ZNF536: variants seen among roughly 807,000 people sequenced by gnomAD.
ZNF536 encodes zinc finger protein 536.
Under a neutral mutation model 84.5 loss-of-function variants are expected in ZNF536, and 13 were observed. The observed-to-expected ratio is 0.15, with a 90% CI of 0.10 to 0.24. The LOEUF (loss-of-function observed/expected upper bound fraction) is 0.24. ZNF536 is among the 10% of genes least tolerant of loss of function. The pLI, the probability that ZNF536 is intolerant of heterozygous loss-of-function variation, is 1.00. For missense variants in ZNF536, 1,536 were observed against 1,747.5 expected (o/e 0.88, Z 2.16); for synonymous variants, 811 against 742.5 (o/e 1.09, Z -1.50).
chr19:30,471,149 G>T (rs561209626), intron 2 of ZNF536, among the ~76,000 whole-genome samples: 1 of 152,154 alleles, frequency 6.6e-6, no homozygotes, highest in African/African-American at 2.4e-5. Flanking sequence ...TTCTTCTCAT[G>T]GTTAGACTGG....
chr19:30,478,572 C>T (rs901007635), intron 2 of ZNF536, among the ~76,000 whole-genome samples: 2 of 152,054 alleles, frequency 1.3e-5, no homozygotes, highest in Non-Finnish European at 2.9e-5. Flanking sequence ...ATGTGTATAC[C>T]GGGGAATAAT....
upstream of ZNF536, among the ~76,000 whole-genome samples, chr19:30,228,063 CGTGT>C (rs915353342): frequency 2.0e-5 from 3 of 150,954 alleles, no homozygotes; most frequent in Non-Finnish European, 3.0e-5. This position sits in a 1 kb window ranked among gnomAD's most constrained non-coding sequence, Gnocchi z 4.5. Context: ...TATGTGCGTG[CGTGT>C]GTGTGTGTGG....
At position 30,246,748 on chromosome 19, in the gene ZNF536, A is replaced by G. The variant is rs377521589; in HGVS notation, c.-190+18075A>G. 8.0e-4 allele frequency among the ~76,000 whole-genome samples: 122 copies of G among 152,376 alleles called. 1 individual carries two copies. The highest frequency in any genetic ancestry group is 2.8e-3 in the African/African-American group (115 of 41,596). On this transcript the variant is annotated intron_variant, in intron 1 of 5. Coordinates refer to the ZNF536 transcript ENST00000585628. ...CATCATTTATAGACCTCTTGGGCTA[A>G]AAACTATTTGCTGTCTAGCGGTAGC...
intron 2 of ZNF536, among the ~76,000 whole-genome samples, chr19:30,471,973 G>A (rs560255018): frequency 6.6e-6 from 1 of 152,106 alleles, no homozygotes; most frequent in East Asian, 1.9e-4. Flanking sequence ...CTTTATGCTG[G>A]GCAAACCGAG....
intron 1 of ZNF536, among the ~76,000 whole-genome samples, chr19:30,627,861 C>A (rs2048743813): frequency 6.6e-6 from 1 of 152,194 alleles, no homozygotes; most frequent in Non-Finnish European, 1.5e-5. Context: ...TCAGCTCTGA[C>A]CCTGCGGGTG....
Position 30,444,603 on chromosome 19 carries a change from C to T in ZNF536, c.1041C>T (p.Cys347=), listed in dbSNP as rs1200857229. The change falls in exon 2 of 5, where the codon TGC becomes TGT. Residue 347 remains cysteine, a synonymous_variant. Coordinates refer to ENST00000355537, the MANE Select transcript of ZNF536 (RefSeq NM_014717.3). ...AGCAGTCGGCCAACGAGTTCCGCTG[C>T]GAGGTGTGCGGTCAGGTGTTCAGCC... ...GGEQSANEFR[C]EVCGQVFSQA... is the part of the protein sequence containing the mutation. The T allele has an allele frequency of 5.6e-6, 9 of 1,613,752 alleles. No homozygotes were observed. In the East Asian group the frequency reaches 6.7e-5, roughly 12 times the overall value.
At chr19:30,656,427 C>T (rs1248535626) in intron 1 of ZNF536, among the ~76,000 whole-genome samples, 1 of 152,118 alleles carries the variant, frequency 6.6e-6, no homozygotes, top group Non-Finnish European at 1.5e-5. Flanking sequence ...TTTGGTTATC[C>T]CCTTGGCTGG....
At chr19:30,700,568 G>A (rs574207283) in intron 1 of ZNF536, among the ~76,000 whole-genome samples, 3 of 152,112 alleles carry the variant, frequency 2.0e-5, no homozygotes, top group Admixed American at 6.6e-5. Flanking sequence ...TAAAATTTTT[G>A]TAGGGATGAG....
At chr19:30,574,442 T>C (rs576760204) in intron 1 of ZNF536, among the ~76,000 whole-genome samples, 7 of 152,358 alleles carry the variant, frequency 4.6e-5, no homozygotes, top group African/African-American at 1.7e-4. Context: ...GGAAGTTGGC[T>C]TGTGGGTGGC....
rs1404382104 is a variant in ZNF536 at position 30,443,720 on chromosome 19, G to C, written c.158G>C (p.Arg53Pro). 26 of 1,613,252 alleles carry C rather than the reference G, an allele frequency of 1.6e-5. No homozygotes were observed. Among genetic ancestry groups the C allele is most frequent in the Non-Finnish European group, 1.9e-5 (23 of 1,179,764 alleles). ...CATGCCTTCCCCGAGCTCCATCCCCGGCCCAACCCCGAGGAGAAGCCCCCC... is the reference window on the plus strand; with the variant it reads ...CATGCCTTCCCCGAGCTCCATCCCCCGCCCAACCCCGAGGAGAAGCCCCCC... The part of the protein sequence containing the change: ...LSHAFPELHP[R>P]PNPEEKPPAS... The change falls in exon 2 of 5, where the codon CGG (arginine) becomes CCG (proline). Residue 53 changes from arginine (R) to proline (P), a missense_variant. Transcript: ENST00000355537.
At chr19:30,453,172 C>A (rs1600799465) in intron 2 of ZNF536, among the ~76,000 whole-genome samples, 2 of 152,008 alleles carry the variant, frequency 1.3e-5, no homozygotes, top group South Asian at 4.2e-4. Flanking sequence ...AAAGCTGTGT[C>A]CCCCCCACCC....
intron 2 of ZNF536, among the ~76,000 whole-genome samples, chr19:30,484,208 G>T (rs1026139750): frequency 6.6e-6 from 1 of 151,162 alleles, no homozygotes; most frequent in Middle Eastern, 3.5e-3. Context: ...TCAGTGTGGG[G>T]TGTTTTCTCT....
rs1447122855 is a variant in ZNF536 at position 30,353,852 on chromosome 19, G to A, written c.-3+1368G>A. 5.3e-5 allele frequency among the ~76,000 whole-genome samples: 8 copies of A among 152,180 alleles called. No homozygotes were observed. The East Asian group carries it at 7.7e-4, about 15-fold the overall frequency. ...ACATTGATGGTGAGGATTCTGCCAC[G>A]CGGATGCTCACAGTTTTGGAAGGCC... On this transcript the variant is annotated intron_variant, in intron 3 of 5. Coordinates refer to the ZNF536 transcript ENST00000585628.
chr19:30,555,747 A>T (rs1262018301), intron 4 of ZNF536: 1 of 152,250 alleles, frequency 6.6e-6, no homozygotes, highest in African/African-American at 2.4e-5. Context: ...TACACAGGCT[A>T]TGGCCATTGG....
At chr19:30,330,982 C>A (rs780464248) in intron 2 of ZNF536, among the ~76,000 whole-genome samples, 12 of 152,044 alleles carry the variant, frequency 7.9e-5, no homozygotes, top group Non-Finnish European at 1.2e-4. Flanking sequence ...AAATCAGGCT[C>A]AAGTCATTGA....
rs983639772 is a variant in ZNF536, at chr19:30,281,317, G to T, written c.-189-2755G>T. ...TTCAGCCTTCCCTTCTTTAGCCCCT[G>T]CAAACCTTCTCACTCCCCTTTCTGG... is the stretch of plus-strand genomic sequence containing the variant. On this transcript the variant is annotated intron_variant, in intron 1 of 5. Transcript: ENST00000585628. Among the ~76,000 whole-genome samples the T allele has an allele frequency of 9.9e-5, 15 of 152,276 alleles. 1 individual carries two copies. Among genetic ancestry groups the T allele is most frequent in the Middle Eastern group, 6.8e-3 (2 of 294 alleles).
At chr19:30,452,832 C>T (rs962361945) in intron 2 of ZNF536, among the ~76,000 whole-genome samples, 1 of 152,104 alleles carries the variant, frequency 6.6e-6, no homozygotes, top group Non-Finnish European at 1.5e-5. Flanking sequence ...TGTCTCACCT[C>T]CCTTCGTCTT....
chr19:30,509,922 G>A (rs189618313), intron 2 of ZNF536, among the ~76,000 whole-genome samples: 2 of 152,314 alleles, frequency 1.3e-5, no homozygotes, highest in African/African-American at 4.8e-5. Context: ...CCTGTGGTGG[G>A]TAGTGCATGG....
intron 2 of ZNF536, among the ~76,000 whole-genome samples, chr19:30,494,952 G>GAAAAAA (rs35362561): frequency 2.2e-5 from 2 of 89,130 alleles, no homozygotes; most frequent in Non-Finnish European, 2.6e-5. Context: ...TCTCAAAAAA[G>GAAAAAA]AAAAAAAAAA....
Sources: allele counts gnomAD v4.1 joint callset (sites outside exome capture counted in the v4.1 genomes callset), GRCh38; gene constraint gnomAD v4.1.1; non-coding constraint Gnocchi (gnomAD v3.1); transcripts MANE v1.5; gene names NCBI Gene and HGNC (gene_info 2026-07-23, HGNC 2026-07-21).